Variants in FSTL1 observed in about 807,000 individuals in gnomAD.
FSTL1 encodes the protein follistatin-related protein 1.
In FSTL1, 24 loss-of-function variants were observed where a neutral mutation model predicts 45.9. The ratio of observed to expected loss-of-function variants is 0.52; its 90% confidence interval spans 0.38 to 0.74. FSTL1 has a LOEUF of 0.74. Ranked by LOEUF, FSTL1 falls within the 30% of genes least tolerant of loss-of-function variation. The pLI, the probability that FSTL1 is intolerant of heterozygous loss-of-function variation, is 0.00. For synonymous variants in FSTL1, 120 were observed against 137.6 expected, an observed-to-expected ratio of 0.87 and a Z score of 0.89; for missense variants, 340 against 381.8, an observed-to-expected ratio of 0.89 and a Z score of 0.91.
intron 10 of FSTL1, among the ~76,000 whole-genome samples, chr3:120,398,245 A>G (rs564177068): frequency 1.3e-5 from 2 of 152,346 alleles, no homozygotes; most frequent in Admixed American, 6.5e-5. Flanking sequence ...TCATATCTCA[A>G]TTAAAGAAAT....
intron 2 of FSTL1, among the ~76,000 whole-genome samples, chr3:120,425,642 T>A (rs1387059312): frequency 1.3e-5 from 2 of 152,146 alleles, no homozygotes; most frequent in Non-Finnish European, 2.9e-5. Context: ...AGCTCAGGAA[T>A]TTACCACTTC....
chr3:120,403,209 A>G (rs780040341), intron 8 of FSTL1, 33 bp downstream of exon 8: 2 of 1,195,358 alleles, frequency 1.7e-6, no homozygotes, highest in Admixed American at 1.7e-5. Flanking sequence ...GCCTCCATTC[A>G]CTACAGCTCT....
At chr3:120,449,182 A>G (rs551790436) in intron 2 of FSTL1, among the ~76,000 whole-genome samples, 14 of 152,370 alleles carry the variant, frequency 9.2e-5, no homozygotes, top group African/African-American at 3.4e-4. Context: ...ATCCTGCTTC[A>G]GAGCTAACTA....
At chr3:120,440,138 CA>C (rs113182680) in intron 2 of FSTL1, among the ~76,000 whole-genome samples, 57 of 151,418 alleles carry the variant, frequency 3.8e-4, no homozygotes, top group African/African-American at 9.9e-4. Flanking sequence ...ACAACTGGTA[CA>C]AAAAAAAACC....
At chr3:120,429,025 A>G (rs1937432681) in intron 2 of FSTL1, among the ~76,000 whole-genome samples, 1 of 152,252 alleles carries the variant, frequency 6.6e-6, no homozygotes, top group Non-Finnish European at 1.5e-5. Context: ...AAAGTGGGGA[A>G]AACCTGGAGT....
intron 9 of FSTL1, 31 bp downstream of exon 9, chr3:120,402,777 G>T: frequency 7.7e-7 from 1 of 1,293,402 alleles, no homozygotes; most frequent in Non-Finnish European, 1.1e-6. Context: ...TCTCCTTGCT[G>T]TTTTTTCTTT....
intron 2 of FSTL1, among the ~76,000 whole-genome samples, chr3:120,428,085 C>T (rs953190968): frequency 2.6e-5 from 4 of 152,162 alleles, no homozygotes; most frequent in Non-Finnish European, 4.4e-5. Flanking sequence ...ACAGGCTGGC[C>T]AACATTTCTA....
chr3:120,400,356 C>T (rs1936797370), intron 9 of FSTL1, among the ~76,000 whole-genome samples: 1 of 152,198 alleles, frequency 6.6e-6, no homozygotes, highest in East Asian at 1.9e-4. Context: ...CTGTCTAGTT[C>T]CACCTTCAGA....
intron 2 of FSTL1, among the ~76,000 whole-genome samples, chr3:120,433,713 G>A (rs1288331868): frequency 6.6e-6 from 1 of 152,220 alleles, no homozygotes; most frequent in African/African-American, 2.4e-5. Flanking sequence ...CTGGGAGAGA[G>A]GGCACCACTT....
At chr3:120,401,585 CTTTTT>C (rs11361184) in intron 9 of FSTL1, among the ~76,000 whole-genome samples, 1 of 146,712 alleles carries the variant, frequency 6.8e-6, no homozygotes, top group East Asian at 2.0e-4. Context: ...TTAAAATAAA[CTTTTT>C]TTTTTTTTTT....
rs1320143289 is a variant in FSTL1 at position 120,403,930 on chromosome 3, A to AC, written c.582-577_582-576insG. Among the ~76,000 whole-genome samples the AC allele has an allele frequency of 4.6e-4, 59 of 129,074 alleles. 1 individual carries two copies. The highest frequency in any genetic ancestry group is 9.1e-4 in the African/African-American group (31 of 34,016). 84.7% of individuals were successfully genotyped at this position (129,074 alleles called of 152,430 possible). A position where few individuals can be genotyped will look rare whatever the true frequency, so the allele number is the denominator to read the frequency against. ...AGCGAGACTCCGTCTCAAAAAAAAAAAAAAAAAAAAAAAACAAAAACAAAA... is the reference window on the plus strand; with the variant it reads ...AGCGAGACTCCGTCTCAAAAAAAAAACAAAAAAAAAAAAAACAAAAACAAAA... On this transcript the variant is annotated intron_variant, in intron 7 of 10. Coordinates refer to ENST00000295633, the MANE Select transcript of FSTL1 (RefSeq NM_007085.5).
At chr3:120,403,433 A>C in intron 7 of FSTL1, 79 bp from the exon 8 acceptor site, 1 of 864,506 alleles carries the variant, frequency 1.2e-6, no homozygotes, top group Non-Finnish European at 2.0e-6. Flanking sequence ...TCAGGACCAC[A>C]TACACCCAGG....
At chr3:120,418,167 CAACT>C (rs1020121836) in intron 2 of FSTL1, among the ~76,000 whole-genome samples, 6 of 152,162 alleles carry the variant, frequency 3.9e-5, no homozygotes, top group Admixed American at 1.3e-4. Context: ...TGAGTTATAA[CAACT>C]AATATTTGAA....
chr3:120,427,828 G>A (rs1937407624), intron 2 of FSTL1, among the ~76,000 whole-genome samples: 1 of 152,188 alleles, frequency 6.6e-6, no homozygotes, highest in Non-Finnish European at 1.5e-5. Flanking sequence ...AGGAAGATAA[G>A]GTAATGTGGG....
At chr3:120,414,589 G>A (rs1195563339) in intron 3 of FSTL1, among the ~76,000 whole-genome samples, 1 of 152,154 alleles carries the variant, frequency 6.6e-6, no homozygotes, top group Non-Finnish European at 1.5e-5. Flanking sequence ...TCGGATGGTT[G>A]CCATGTCTGT....
intron 2 of FSTL1, among the ~76,000 whole-genome samples, chr3:120,428,318 A>C (rs1379265420): frequency 6.6e-6 from 1 of 152,090 alleles, no homozygotes; most frequent in African/African-American, 2.4e-5. Context: ...TGCCCAACCA[A>C]GAGGTGAGAC....
At chr3:120,434,741 C>T (rs1483987606) in intron 2 of FSTL1, among the ~76,000 whole-genome samples, 3 of 152,252 alleles carry the variant, frequency 2.0e-5, no homozygotes, top group South Asian at 2.1e-4. Context: ...GTGTTATTAC[C>T]GTTCCTTGGA....
chr3:120,428,876 C>G (rs1172154768), intron 2 of FSTL1, among the ~76,000 whole-genome samples: 3 of 152,242 alleles, frequency 2.0e-5, no homozygotes, highest in Non-Finnish European at 4.4e-5. Flanking sequence ...AGGATGCAGA[C>G]AGGGTTAAAA....
At chr3:120,438,680 T>C (rs1937596016) in intron 2 of FSTL1, among the ~76,000 whole-genome samples, 1 of 152,202 alleles carries the variant, frequency 6.6e-6, no homozygotes, top group African/African-American at 2.4e-5. Context: ...AGCTGCATTT[T>C]AGAGCCCACC....
Sources: allele counts gnomAD v4.1 joint callset (sites outside exome capture counted in the v4.1 genomes callset), GRCh38; gene constraint gnomAD v4.1.1; transcripts MANE v1.5; gene names NCBI Gene and HGNC (gene_info 2026-07-23, HGNC 2026-07-21).